Variants in DLG1 observed in about 807,000 individuals in gnomAD.
The protein encoded by DLG1 is discs large MAGUK scaffold protein 1, also known as disks large homolog 1.
In DLG1, 42 loss-of-function variants were observed where a neutral mutation model predicts 123.4. The ratio of observed to expected loss-of-function variants is 0.34; its 90% CI spans 0.27 to 0.44. DLG1 has a LOEUF of 0.44. Among genes scored for constraint, DLG1 ranks in the 20% least tolerant of loss-of-function variants. The pLI is 1.00. For synonymous variants in DLG1, 317 were observed against 356.2 expected (o/e 0.89, Z 1.24); for missense variants, 942 against 1,082.6 (o/e 0.87, Z 1.82).
intron 4 of DLG1, among the ~76,000 whole-genome samples, chr3:197,244,326 G>C (rs7624764): frequency 0.24 from 36,645 of 152,128 alleles, 5,599 homozygotes; most frequent in East Asian, 0.71. Context: ...CTGGTAGACT[G>C]GAGGACCATT....
intron 4 of DLG1, among the ~76,000 whole-genome samples, chr3:197,245,581 T>C (rs987310025): frequency 6.6e-6 from 1 of 152,196 alleles, no homozygotes; most frequent in South Asian, 2.1e-4. Context: ...ACACATAGCC[T>C]GAGGTCCCCA....
intron 23 of DLG1, among the ~76,000 whole-genome samples, chr3:197,055,232 T>C (rs1730847715): frequency 6.6e-6 from 1 of 152,348 alleles, no homozygotes; most frequent in South Asian, 2.1e-4. Flanking sequence ...ATTATAGGCA[T>C]GAGCCACTGC....
chr3:197,153,007 ATTGTATTTCTCC>A (rs1394064937), intron 5 of DLG1, among the ~76,000 whole-genome samples: 16 of 152,112 alleles, frequency 1.1e-4, no homozygotes, highest in African/African-American at 3.9e-4. Flanking sequence ...TACAATCTGC[ATTGTATTTCTCC>A]TTCTCAGCAT....
At chr3:197,170,313 T>C (rs1224357025) in intron 5 of DLG1, among the ~76,000 whole-genome samples, 2 of 152,220 alleles carry the variant, frequency 1.3e-5, no homozygotes, top group East Asian at 1.9e-4. Flanking sequence ...TTTCTGTTTT[T>C]AGGTCTCTGA....
intron 5 of DLG1, among the ~76,000 whole-genome samples, chr3:197,165,563 G>A (rs906702216): frequency 6.6e-6 from 1 of 152,154 alleles, no homozygotes; most frequent in African/African-American, 2.4e-5. Flanking sequence ...TAAAGCCTCC[G>A]TGGGTTTAGC....
At chr3:197,214,533 A>C (rs1437329117) in intron 4 of DLG1, among the ~76,000 whole-genome samples, 1 of 152,152 alleles carries the variant, frequency 6.6e-6, no homozygotes, top group African/African-American at 2.4e-5. Context: ...AGACAGCGCC[A>C]CTGCACTCTA....
chr3:197,111,779 T>A lies in DLG1; in HGVS notation c.1443+4148A>T, dbSNP rs367662911. On this transcript the variant is annotated intron_variant, in intron 13 of 24. Transcript: ENST00000667157. ...TGATTATCATGTAACTGGAATTATA[T>A]AGATTGTATTTTTGTTATCTGTTTT... Among the ~76,000 whole-genome samples, 101 of 152,362 alleles carry A rather than the reference T, an allele frequency of 6.6e-4. 1 individual carries two copies. In the Middle Eastern group the frequency reaches 0.01, roughly 15 times the overall value.
chr3:197,070,572 T>TCA (rs1743131483), intron 18 of DLG1: 1 of 133,440 alleles, frequency 7.5e-6, no homozygotes, highest in Non-Finnish European at 1.7e-5. Flanking sequence ...TTCATTTTTT[T>TCA]TTTTTTTTTT....
intron 6 of DLG1, among the ~76,000 whole-genome samples, chr3:197,149,147 C>A (rs1792641570): frequency 6.6e-6 from 1 of 152,152 alleles, no homozygotes; most frequent in Non-Finnish European, 1.5e-5. Context: ...TCATTACTTT[C>A]TAATTCCAGA....
intron 4 of DLG1, 65 bp downstream of exon 4, chr3:197,282,610 TAAAG>T (rs1032697330): frequency 4.1e-5 from 42 of 1,031,312 alleles, no homozygotes; most frequent in Middle Eastern, 4.9e-4. Context: ...TTTAATAAAA[TAAAG>T]AAACATAGTA....
chr3:197,061,161 AT>A (rs1735501199), intron 22 of DLG1, among the ~76,000 whole-genome samples: 1 of 152,232 alleles, frequency 6.6e-6, no homozygotes, highest in South Asian at 2.1e-4. Flanking sequence ...GATAATTTCA[AT>A]TTGGTGGGCA....
intron 11 of DLG1, 32 bp downstream of exon 11, chr3:197,130,495 A>G: frequency 6.5e-7 from 1 of 1,527,374 alleles, no homozygotes. Context: ...GAAGTAAGAT[A>G]AATTTAAGCA....
intron 19 of DLG1, among the ~76,000 whole-genome samples, chr3:197,067,093 G>A (rs1740131883): frequency 6.6e-6 from 1 of 152,018 alleles, no homozygotes; most frequent in Non-Finnish European, 1.5e-5. Flanking sequence ...ATGCTTTAAT[G>A]AGCAGATCTG....
intron 5 of DLG1, among the ~76,000 whole-genome samples, chr3:197,184,857 A>G (rs2150167962): frequency 6.6e-6 from 1 of 152,324 alleles, no homozygotes; most frequent in Non-Finnish European, 1.5e-5. Flanking sequence ...ATATTCTAAC[A>G]TCTAATATTT....
intron 4 of DLG1, among the ~76,000 whole-genome samples, chr3:197,207,444 T>C (rs995350949): frequency 1.4e-5 from 2 of 148,022 alleles, no homozygotes; most frequent in Non-Finnish European, 3.0e-5. Flanking sequence ...TAAGTTTATC[T>C]ATACTTTTAT....
intron 4 of DLG1, among the ~76,000 whole-genome samples, chr3:197,219,014 C>T (rs1221657582): frequency 6.6e-6 from 1 of 152,034 alleles, no homozygotes; most frequent in African/African-American, 2.4e-5. Context: ...ACTGTAATCC[C>T]AGCTACTCCG....
chr3:197,068,173 G>GT (rs971125416), intron 19 of DLG1, among the ~76,000 whole-genome samples: 36 of 152,248 alleles, frequency 2.4e-4, no homozygotes, highest in African/African-American at 7.7e-4. Context: ...TTTATAAGCT[G>GT]TTTTTTAAAG....
chr3:197,253,697 G>C (rs922951105), intron 4 of DLG1, among the ~76,000 whole-genome samples: 18 of 152,226 alleles, frequency 1.2e-4, no homozygotes, highest in Admixed American at 7.2e-4. Flanking sequence ...GAAGGGGATG[G>C]GGTGAGAGGA....
intron 5 of DLG1, among the ~76,000 whole-genome samples, chr3:197,166,062 G>C (rs1240225746): frequency 6.6e-6 from 1 of 152,202 alleles, no homozygotes; most frequent in Non-Finnish European, 1.5e-5. Context: ...TGGAGCCTCA[G>C]CATGGTGACG....
Sources: gnomAD v4.1 joint callset for allele counts (sites outside exome capture counted in the v4.1 genomes callset) on GRCh38, gnomAD v4.1.1 for gene constraint, MANE v1.5 for transcripts, NCBI Gene and HGNC (gene_info 2026-07-23, HGNC 2026-07-21) for gene names.